HS3ST4: variants seen among roughly 807,000 people sequenced by gnomAD.
HS3ST4 encodes the protein heparan sulfate glucosamine 3-O-sulfotransferase 4.
Under a neutral mutation model 29.2 loss-of-function variants are expected in HS3ST4, and 17 were observed. The ratio of observed to expected loss-of-function variants is 0.58; its 90% CI spans 0.40 to 0.87. The LOEUF is 0.87. HS3ST4 is among the 40% of genes least tolerant of loss of function. HS3ST4 has a pLI of 0.00. For missense variants in HS3ST4, 627 were observed against 634.5 expected, an observed-to-expected ratio of 0.99 and a Z score of 0.13; for synonymous variants, 314 against 285.7, an observed-to-expected ratio of 1.10 and a Z score of -1.00.
At chr16:25,893,699 C>T (rs1245746252) in intron 1 of HS3ST4, among the ~76,000 whole-genome samples, 1 of 152,232 alleles carries the variant, frequency 6.6e-6, no homozygotes, top group Admixed American at 6.5e-5. Context: ...GGGGCAGCCC[C>T]ACCCCTTCCA....
At chr16:25,996,990 T>A (rs963339750) in intron 1 of HS3ST4, among the ~76,000 whole-genome samples, 1 of 152,186 alleles carries the variant, frequency 6.6e-6, no homozygotes, top group Non-Finnish European at 1.5e-5. Context: ...ATTTTTAGCT[T>A]TTATCATGTT....
At chr16:25,933,814 C>T (rs1413405222) in intron 1 of HS3ST4, among the ~76,000 whole-genome samples, 1 of 152,022 alleles carries the variant, frequency 6.6e-6, no homozygotes, top group Non-Finnish European at 1.5e-5. Context: ...GTGTTGGGCT[C>T]TTTTAAACAA....
chr16:25,952,322 G>C lies in HS3ST4; in HGVS notation c.735-183290G>C, dbSNP rs192518784. ...AGTCCTGGGCCTCAAAACAGTGACTGTTCAGTTGGCTTCCTCCAGGAAAGA... is the reference window on the plus strand; with the variant it reads ...AGTCCTGGGCCTCAAAACAGTGACTCTTCAGTTGGCTTCCTCCAGGAAAGA... On this transcript the variant is annotated intron_variant, in intron 1 of 1. Coordinates refer to ENST00000331351, the MANE Select transcript of HS3ST4 (RefSeq NM_006040.3). Among the ~76,000 whole-genome samples the C allele has an allele frequency of 1.5e-3, 233 of 152,308 alleles. 2 individuals are homozygous for C. The highest frequency in any genetic ancestry group is 5.2e-3 in the African/African-American group (218 of 41,550).
intron 1 of HS3ST4, among the ~76,000 whole-genome samples, chr16:26,106,364 A>G (rs1448036385): frequency 1.3e-5 from 2 of 152,154 alleles, no homozygotes; most frequent in African/African-American, 4.8e-5. Context: ...CTATAAGAAC[A>G]TTTACTTTAT....
intron 1 of HS3ST4, among the ~76,000 whole-genome samples, chr16:26,091,732 A>C (rs1898859568): frequency 6.6e-6 from 1 of 152,220 alleles, no homozygotes; most frequent in Admixed American, 6.5e-5. Context: ...AGGGAGGAAG[A>C]GAAGAAGTTG....
chr16:25,693,052 C>T lies in HS3ST4; in HGVS notation c.635C>T (p.Ala212Val). ...IIGVKKGGTR[A>V]LLEAIRVHPD... ...GGGGTCAAGAAAGGAGGGACCCGCG[C>T]GCTGCTGGAGGCGATCCGCGTGCAC... is the stretch of plus-strand genomic sequence containing the variant. The change falls in exon 1 of 2, where the codon GCG (alanine) becomes GTG (valine). Residue 212 changes from alanine to valine, a missense_variant. Around this residue, in one of 2 missense-constraint regions of HS3ST4, gnomAD observed 402 missense variants for 340.8 expected, o/e 1.18. Coordinates refer to ENST00000331351, the MANE Select transcript of HS3ST4 (RefSeq NM_006040.3). 1 of 1,610,002 alleles carries T rather than the reference C, an allele frequency of 6.2e-7. No homozygotes were observed. The highest frequency in any genetic ancestry group is 8.5e-7 in the Non-Finnish European group (1 of 1,178,478).
chr16:25,732,350 G>A (rs1015948465), intron 1 of HS3ST4, among the ~76,000 whole-genome samples: 3 of 152,162 alleles, frequency 2.0e-5, no homozygotes, highest in Non-Finnish European at 4.4e-5. Flanking sequence ...ACACGTGCTT[G>A]CAAAAATAAA....
At chr16:25,726,000 A>G (rs182941058) in intron 1 of HS3ST4, among the ~76,000 whole-genome samples, 181 of 152,316 alleles carry the variant, frequency 1.2e-3, no homozygotes, top group Non-Finnish European at 1.9e-3. Context: ...CACATGCATT[A>G]GAAAAAAAGT....
intron 1 of HS3ST4, among the ~76,000 whole-genome samples, chr16:26,074,687 A>G (rs530133245): frequency 6.6e-6 from 1 of 152,170 alleles, no homozygotes; most frequent in South Asian, 2.1e-4. Context: ...TTTGGCATCC[A>G]TTCAAACAAA....
At chr16:26,089,744 A>G (rs1217863755) in intron 1 of HS3ST4, among the ~76,000 whole-genome samples, 1 of 152,178 alleles carries the variant, frequency 6.6e-6, no homozygotes, top group Non-Finnish European at 1.5e-5. Flanking sequence ...TTTACATCCA[A>G]AAATTGGAAC....
intron 1 of HS3ST4, among the ~76,000 whole-genome samples, chr16:25,694,472 C>G (rs970950099): frequency 6.6e-6 from 1 of 152,218 alleles, no homozygotes; most frequent in African/African-American, 2.4e-5. Flanking sequence ...AACGTCTTGT[C>G]TGTTTCAACA....
Position 25,706,630 on chromosome 16 carries a change from G to A in HS3ST4, c.734+13479G>A, listed in dbSNP as rs535398718. The stretch of plus-strand genomic sequence containing the variant: ...TCCCACTTATGAATGAGAACGTGCG[G>A]TGGCCTAACCTGCTTTCTAACCCTC... On this transcript the variant is annotated intron_variant, in intron 1 of 1. Transcript: ENST00000331351. 1.1e-4 allele frequency among the ~76,000 whole-genome samples: 16 copies of A among 152,202 alleles called. No homozygotes were observed. In the South Asian group the frequency reaches 2.9e-3, roughly 28 times the overall value.
intron 1 of HS3ST4, among the ~76,000 whole-genome samples, chr16:25,850,233 C>T (rs530770290): frequency 2.2e-4 from 33 of 152,200 alleles, no homozygotes; most frequent in African/African-American, 7.9e-4. Flanking sequence ...CCTGATCCAC[C>T]TGCCTCGGCC....
intron 1 of HS3ST4, among the ~76,000 whole-genome samples, chr16:25,796,705 A>G (rs901951728): frequency 3.9e-5 from 6 of 152,260 alleles, no homozygotes; most frequent in Admixed American, 3.3e-4. Flanking sequence ...CTAGAGTTCT[A>G]TGAAGGCTCC....
intron 1 of HS3ST4, among the ~76,000 whole-genome samples, chr16:25,959,399 A>G (rs1374655288): frequency 6.6e-6 from 1 of 152,236 alleles, no homozygotes; most frequent in Non-Finnish European, 1.5e-5. Flanking sequence ...AGTGGGGCAG[A>G]GTGCAGCCTG....
intron 1 of HS3ST4, among the ~76,000 whole-genome samples, chr16:25,775,290 G>A (rs4238922): frequency 0.17 from 25,818 of 152,154 alleles, 2,717 homozygotes; most frequent in Admixed American, 0.26. Flanking sequence ...TGCAGGATGA[G>A]CAGCTGTTGC....
At chr16:25,737,039 GT>G (rs60294251) in intron 1 of HS3ST4, among the ~76,000 whole-genome samples, 394 of 148,528 alleles carry the variant, frequency 2.7e-3, no homozygotes, top group African/African-American at 8.5e-3. Context: ...GTAGAGATGG[GT>G]TTTTTTTTTA....
chr16:25,734,486 T>C (rs936870779), intron 1 of HS3ST4, among the ~76,000 whole-genome samples: 26 of 152,260 alleles, frequency 1.7e-4, no homozygotes, highest in Non-Finnish European at 3.4e-4. Context: ...AACTCCCACC[T>C]CCAGGGTTGT....
rs577711855 is a variant in HS3ST4, at chr16:25,711,819, A to G, written c.734+18668A>G. 1.4e-4 allele frequency among the ~76,000 whole-genome samples: 22 copies of G among 151,950 alleles called. 1 individual carries two copies. Among genetic ancestry groups the G allele is most frequent in the Non-Finnish European group, 2.4e-4 (16 of 67,996 alleles). ...TTATTGCTTCATTTTTTCCTGTACTATCAGGGCCGATTTTGCCCAGGCTGG... is the reference window on the plus strand; with the variant it reads ...TTATTGCTTCATTTTTTCCTGTACTGTCAGGGCCGATTTTGCCCAGGCTGG... On this transcript the variant is annotated intron_variant, in intron 1 of 1. Transcript: ENST00000331351.
Sources: allele counts gnomAD v4.1 joint callset (sites outside exome capture counted in the v4.1 genomes callset), GRCh38; gene constraint gnomAD v4.1.1; regional missense constraint gnomAD v4.1.1; transcripts MANE v1.5; gene names NCBI Gene and HGNC (gene_info 2026-07-23, HGNC 2026-07-21).